PDCD2: variants seen among roughly 807,000 people sequenced by gnomAD.
PDCD2 encodes the protein uS5 assembly chaperone PDCD2.
PDCD2 carries 38 observed loss-of-function variants against 38.1 expected under a neutral mutation model. That is an observed-to-expected ratio of 1.00 (90% CI 0.77 to 1.31). The LOEUF (loss-of-function observed/expected upper bound fraction) is 1.31. Among genes scored for constraint, PDCD2 ranks in the 50% most tolerant of loss-of-function variants. PDCD2 has a pLI of 0.00. For missense variants in PDCD2, 473 were observed against 435.7 expected (o/e 1.09, Z -0.76); for synonymous variants, 205 against 168.9 (o/e 1.21, Z -1.66).
In PDCD2 at chr6:170,582,745, C is replaced by T. The variant is rs892403530; in HGVS notation, c.658+312G>A. On this transcript the variant is annotated intron_variant, in intron 3 of 5. Coordinates refer to ENST00000541970, the MANE Select transcript of PDCD2 (RefSeq NM_002598.4). ...CGTGCCCGACACTGTGCTAGGCACT[C>T]ACACTATCCCGACCCGAGAAACCGA... The T allele has an allele frequency of 2.4e-6, 3 of 1,262,000 alleles. No homozygotes were observed. In the African/African-American group the frequency reaches 4.6e-5, roughly 19 times the overall value. 78.2% of individuals were successfully genotyped at this position (1,262,000 alleles called of 1,614,324 possible). A position where few individuals can be genotyped will look rare whatever the true frequency, so the allele number is the denominator to read the frequency against.
intron 3 of PDCD2, chr6:170,581,330 G>T (rs964840044): frequency 6.6e-6 from 1 of 152,042 alleles, no homozygotes; most frequent in Non-Finnish European, 1.5e-5. Flanking sequence ...ATTTGAAAAT[G>T]AGTCTGTTCC....
At chr6:170,578,396 C>T (rs1779502755) in intron 5 of PDCD2, 2 of 511,994 alleles carry the variant, frequency 3.9e-6, no homozygotes, top group South Asian at 5.6e-5. Context: ...TCCTTTTGGG[C>T]AGGGAAGGAC....
rs569917145 is a variant in PDCD2, at chr6:170,581,676, A to C, written c.658+1381T>G. On this transcript the variant is annotated intron_variant, in intron 3 of 5. Coordinates refer to ENST00000541970, the MANE Select transcript of PDCD2 (RefSeq NM_002598.4). ...ACGCCCAACATCTCAGTTCTCAGTA[A>C]CACCAACATAATTACTCGTTTCCTT... is the stretch of plus-strand genomic sequence containing the variant. 9.3e-5 allele frequency: 15 copies of C among 161,140 alleles called. No homozygotes were observed. In the South Asian group the frequency reaches 1.6e-3, roughly 17 times the overall value. The allele number at this position is 161,140 out of a possible 1,614,324, so 10.0% of individuals were successfully genotyped here. A position where few individuals can be genotyped will look rare whatever the true frequency, so the allele number is the denominator to read the frequency against.
intron 3 of PDCD2, 91 bp downstream of exon 3, chr6:170,582,966 C>T: frequency 1.3e-6 from 2 of 1,518,572 alleles, no homozygotes; most frequent in Non-Finnish European, 1.8e-6. Context: ...AGTGAGTCTT[C>T]CTCTCAGTAC....
chr6:170,583,316 C>T, intron 2 of PDCD2, 128 bp from the exon 3 acceptor site: 1 of 905,286 alleles, frequency 1.1e-6, no homozygotes, highest in Non-Finnish European at 1.7e-6. Context: ...AAATTAAATG[C>T]CTATATGGTG....
rs1305417775 is a variant in PDCD2 at position 170,577,519 on chromosome 6, A to C, written c.*40T>G. On this transcript the variant is annotated 3_prime_UTR_variant, in exon 6 of 6. Coordinates refer to ENST00000541970, the MANE Select transcript of PDCD2 (RefSeq NM_002598.4). The stretch of plus-strand genomic sequence containing the variant: ...AATCCCAGAAATGGAATTGCAAGGT[A>C]TAAAAGATTATTAACATTTTTCAAG... 6.5e-7 allele frequency: 1 copy of C among 1,547,000 alleles called. No homozygotes were observed. The highest frequency in any genetic ancestry group is 8.9e-7 in the Non-Finnish European group (1 of 1,123,064).
At position 170,576,575 on chromosome 6, in the gene PDCD2, T is replaced by TA. The variant is rs1779457025; in HGVS notation, c.*983dup. 6.6e-6 allele frequency: 1 copy of TA among 152,238 alleles called. No individual in the cohort carries two copies. Among genetic ancestry groups the TA allele is most frequent in the African/African-American group, 2.4e-5 (1 of 41,448 alleles). The allele number at this position is 152,238 out of a possible 1,614,324, so 9.4% of individuals were successfully genotyped here. ...AGCTGCTAGGGGATGGAAGAAACCT[T>TA]AGTGTAGTCTTAGGAGCCGCTTGCT... On this transcript the variant is annotated 3_prime_UTR_variant, in exon 6 of 6. Coordinates refer to ENST00000541970, the MANE Select transcript of PDCD2 (RefSeq NM_002598.4).
chr6:170,579,076 T>G, intron 4 of PDCD2, 106 bp from the exon 5 acceptor site: 1 of 691,660 alleles, frequency 1.4e-6, no homozygotes, highest in Non-Finnish European at 2.4e-6. Context: ...GATGTAGCAC[T>G]GACCCAAAAG....
rs1251358193 is a variant in PDCD2, at chr6:170,583,750, A to G, written c.284-3T>C. Reference sequence around the variant, plus strand: ...CCTGGGTAGTTGATTCCTAAAAACTAAAAAAGAATACAGAGAAAAGTTTTA... The same window carrying G: ...CCTGGGTAGTTGATTCCTAAAAACTGAAAAAGAATACAGAGAAAAGTTTTA... On this transcript the variant is annotated splice_polypyrimidine_tract_variant and splice_region_variant and intron_variant, in intron 1 of 5. Transcript: ENST00000541970. 2 of 1,601,988 alleles carry G rather than the reference A, an allele frequency of 1.2e-6. No homozygotes were observed. Among genetic ancestry groups the G allele is most frequent in the Non-Finnish European group, 1.7e-6 (2 of 1,171,052 alleles).
intron 5 of PDCD2, 43 bp from the exon 6 acceptor site, chr6:170,577,760 A>G (rs1216527126): frequency 1.3e-6 from 2 of 1,595,030 alleles, no homozygotes; most frequent in African/African-American, 2.7e-5. Context: ...GCTTCACAGC[A>G]GGGAGCACGA....
At position 170,575,383 on chromosome 6, in the gene PDCD2, G is replaced by A. The variant is rs2115007050; in HGVS notation, c.*2176C>T. Reference sequence around the variant, plus strand: ...TCAGTATCTGAAATAAAAAGGCAAAGCTGAATATGCTGCTCTCTACAGCAG... The same window carrying A: ...TCAGTATCTGAAATAAAAAGGCAAAACTGAATATGCTGCTCTCTACAGCAG... On this transcript the variant is annotated 3_prime_UTR_variant, in exon 6 of 6. Coordinates refer to ENST00000541970, the MANE Select transcript of PDCD2 (RefSeq NM_002598.4). The A allele has an allele frequency of 6.6e-6, 1 of 152,024 alleles. No individual in the cohort carries two copies. Among genetic ancestry groups the A allele is most frequent in the African/African-American group, 2.4e-5 (1 of 41,444 alleles). 9.4% of individuals were successfully genotyped at this position (152,024 alleles called of 1,614,324 possible). A position where few individuals can be genotyped will look rare whatever the true frequency, so the allele number is the denominator to read the frequency against.
chr6:170,582,574 TAA>T, intron 3 of PDCD2: 1 of 1,311,432 alleles, frequency 7.6e-7, no homozygotes, highest in Non-Finnish European at 9.7e-7. Context: ...AAGTGCTGGA[TAA>T]ATGTTGGCTA....
intron 3 of PDCD2, 128 bp downstream of exon 3, chr6:170,582,929 C>G (rs1015154458): frequency 6.7e-7 from 1 of 1,494,368 alleles, no homozygotes; most frequent in Non-Finnish European, 8.8e-7. Context: ...GAGGCAATAT[C>G]TGAAAATTGT....
rs4140614 is a variant in PDCD2, at chr6:170,583,395, A to T, written c.526+110T>A. 220 of 1,280,724 alleles carry T rather than the reference A, an allele frequency of 1.7e-4. 1 individual carries two copies. The highest frequency in any genetic ancestry group is 2.1e-4 in the Non-Finnish European group (197 of 938,786). The allele number at this position is 1,280,724 out of a possible 1,614,324, so 79.3% of individuals were successfully genotyped here. ...TACAAAGGTGTTCCAGGCATGAAAA[A>T]TTTTAAAGTACTATACCTTTCCTAA... On this transcript the variant is annotated intron_variant, in intron 2 of 5. Coordinates refer to ENST00000541970, the MANE Select transcript of PDCD2 (RefSeq NM_002598.4).
chr6:170,582,147 G>A, intron 3 of PDCD2: 2 of 1,533,224 alleles, frequency 1.3e-6, no homozygotes, highest in Non-Finnish European at 1.7e-6. Context: ...TGTTCCCATG[G>A]CACCTGTATT....
In PDCD2 at chr6:170,583,539, C is replaced by T. The variant is rs1583144521; in HGVS notation, c.492G>A (p.Trp164Ter). ...CACAAGCCTGCTTATGTCCCAATCT[C>T]CAGTCTAGGGTCTGATGCTCCTTGC... The part of the protein sequence containing the change: ...YCSKEHQTLD[W>*]RLGHKQACAQ... The change falls in exon 2 of 6, where the codon TGG becomes TGA. Residue 164 changes from tryptophan (W) to a stop codon, truncating the protein, a stop_gained. Transcript: ENST00000541970. LOFTEE classifies it high-confidence loss of function. The T allele has an allele frequency of 6.2e-7, 1 of 1,613,366 alleles. No homozygotes were observed.
chr6:170,582,945 A>G, intron 3 of PDCD2, 112 bp downstream of exon 3: 1 of 1,509,202 alleles, frequency 6.6e-7, no homozygotes, highest in South Asian at 1.4e-5. Context: ...ATTGTATGCT[A>G]CAGCCTCCAA....
At position 170,576,493 on chromosome 6, in the gene PDCD2, A is replaced by G. The variant is rs541313201; in HGVS notation, c.*1066T>C. The G allele has an allele frequency of 3.9e-5, 6 of 152,358 alleles. No individual in the cohort carries two copies. The highest frequency in any genetic ancestry group is 7.2e-5 in the African/African-American group (3 of 41,580). 9.4% of individuals were successfully genotyped at this position (152,358 alleles called of 1,614,324 possible). A position where few individuals can be genotyped will look rare whatever the true frequency, so the allele number is the denominator to read the frequency against. On this transcript the variant is annotated 3_prime_UTR_variant, in exon 6 of 6. Transcript: ENST00000541970. The stretch of plus-strand genomic sequence containing the variant: ...AGTATTCAAGCACTGATCAACAGCA[A>G]TGTGTCTTAAGGGCAGGCATCACTG...
Position 170,580,078 on chromosome 6 carries a change from G to A in PDCD2, c.686C>T (p.Ser229Phe), listed in dbSNP as rs1779552370. 1 of 1,610,548 alleles carries A rather than the reference G, an allele frequency of 6.2e-7. No individual in the cohort carries two copies. The highest frequency in any genetic ancestry group is 8.5e-7 in the Non-Finnish European group (1 of 1,177,338). Reference sequence around the variant, plus strand: ...TTCCCTGGATTCATGTTTTGCCATGGAATCCAGTTCTTCCTCAAGTGCTTC... The same window carrying A: ...TTCCCTGGATTCATGTTTTGCCATGAAATCCAGTTCTTCCTCAAGTGCTTC... The part of the protein sequence containing the change: ...MGEALEEELD[S>F]MAKHESREDK... Residue 229 changes from serine (S) to phenylalanine (F), a missense_variant, in exon 4 of 6, where the codon TCC becomes TTC. Ser to Phe is a radical substitution (Grantham distance 155, BLOSUM62 -2). Coordinates refer to ENST00000541970, the MANE Select transcript of PDCD2 (RefSeq NM_002598.4).
Sources: allele counts gnomAD v4.1 joint callset, GRCh38; gene constraint gnomAD v4.1.1; transcripts MANE v1.5; gene names NCBI Gene and HGNC (gene_info 2026-07-23, HGNC 2026-07-21).